TRIM54: variants seen among roughly 807,000 people sequenced by gnomAD.
The protein encoded by TRIM54 is tripartite motif-containing protein 54.
Under a neutral mutation model 42.0 loss-of-function variants are expected in TRIM54, and 40 were observed. The ratio of observed to expected loss-of-function variants is 0.95; its 90% CI spans 0.74 to 1.24. The LOEUF is 1.24. Ranked by LOEUF, TRIM54 falls within the 50% of genes most tolerant of loss-of-function variation. TRIM54 has a pLI of 0.00. For synonymous variants in TRIM54, 199 were observed against 194.9 expected, an observed-to-expected ratio of 1.02 and a Z score of -0.17; for missense variants, 485 against 480.3, an observed-to-expected ratio of 1.01 and a Z score of -0.09.
chr2:27,288,290 T>C (rs1678632252), intron 1 of TRIM54, among the ~76,000 whole-genome samples: 1 of 152,184 alleles, frequency 6.6e-6, no homozygotes. Context: ...AGAGCCTGTG[T>C]CCCAAATTAG....
intron 1 of TRIM54, among the ~76,000 whole-genome samples, chr2:27,287,884 A>G (rs1678621457): frequency 6.6e-6 from 1 of 152,210 alleles, no homozygotes; most frequent in Non-Finnish European, 1.5e-5. Flanking sequence ...CACAAAGTCG[A>G]AAAATATTTT....
At position 27,306,722 on chromosome 2, in the gene TRIM54, A is replaced by G. The variant is rs972942637; in HGVS notation, c.*2-165A>G. ...AAAGGCGCGCCCCCTAGGGCGGAAA[A>G]GTACACTTTCCTCCTCACCCGCTGT... On this transcript the variant is annotated intron_variant, in intron 8 of 8. Transcript: ENST00000380075. The surrounding 1 kb of genome is among the most constrained non-coding windows in gnomAD (Gnocchi z 6.1). Among the ~76,000 whole-genome samples the G allele has an allele frequency of 6.6e-6, 1 of 152,090 alleles. No individual in the cohort carries two copies. Among genetic ancestry groups the G allele is most frequent in the Non-Finnish European group, 1.5e-5 (1 of 68,002 alleles).
rs1208569351 is a variant in TRIM54, at chr2:27,306,690, G to A, written c.*1+148G>A. Reference sequence around the variant, plus strand: ...CACTCCTCGGTGCAACCCAACCCCGGAGCCACAAAGGCGCGCCCCCTAGGG... The same window carrying A: ...CACTCCTCGGTGCAACCCAACCCCGAAGCCACAAAGGCGCGCCCCCTAGGG... On this transcript the variant is annotated intron_variant, in intron 8 of 8. Coordinates refer to ENST00000380075, the MANE Select transcript of TRIM54 (RefSeq NM_187841.3). The surrounding 1 kb of genome is among the most constrained non-coding windows in gnomAD (Gnocchi z 6.1). 2 of 874,460 alleles carry A rather than the reference G, an allele frequency of 2.3e-6. No individual in the cohort carries two copies. Among genetic ancestry groups the A allele is most frequent in the Non-Finnish European group, 3.4e-6 (2 of 580,408 alleles). The allele number at this position is 874,460 out of a possible 1,614,324, so 54.2% of individuals were successfully genotyped here.
rs1679245797 is a variant in TRIM54, at chr2:27,307,071, C to G, written c.*186C>G. ...AGCCTGGGCTTCGAAGGCGACCCGC[C>G]CACCATCCTGCCCTTCCCAGAACCT... is the stretch of plus-strand genomic sequence containing the variant. On this transcript the variant is annotated 3_prime_UTR_variant, in exon 9 of 9. Coordinates refer to ENST00000380075, the MANE Select transcript of TRIM54 (RefSeq NM_187841.3). This position sits in a 1 kb window ranked among gnomAD's most constrained non-coding sequence, Gnocchi z 6.9. 3 of 230,262 alleles carry G rather than the reference C, an allele frequency of 1.3e-5. No individual in the cohort carries two copies. The South Asian group carries it at 2.0e-4, about 15-fold the overall frequency. 14.3% of individuals were successfully genotyped at this position (230,262 alleles called of 1,614,324 possible).
At chr2:27,282,969 C>CCTG in intron 1 of TRIM54, 70 bp downstream of exon 1, 1 of 1,492,392 alleles carries the variant, frequency 6.7e-7, no homozygotes, top group Non-Finnish European at 9.0e-7. Context: ...CAGGTCAGAG[C>CCTG]TGAGACCCCA....
rs756771152 is a variant in TRIM54 at position 27,289,860 on chromosome 2, C to CTTT, written c.168+6988_168+6990dup. On this transcript the variant is annotated intron_variant, in intron 1 of 8. Transcript: ENST00000380075. Reference sequence around the variant, plus strand: ...AGTGAGACACTATCTCTCTCTTTCTCTTTTTTTTTTTTTTTTTTTTTTTTT... The same window carrying CTTT: ...AGTGAGACACTATCTCTCTCTTTCTCTTTTTTTTTTTTTTTTTTTTTTTTTTTT... Among the ~76,000 whole-genome samples, 62 of 100,630 alleles carry CTTT rather than the reference C, an allele frequency of 6.2e-4. 1 individual carries two copies. The highest frequency in any genetic ancestry group is 7.3e-4 in the South Asian group (2 of 2,758). The allele number at this position is 100,630 out of a possible 152,430, so 66.0% of individuals were successfully genotyped here.
rs759275935 is a variant in TRIM54 at position 27,299,233 on chromosome 2, A to G, written c.342-12A>G. 3.7e-6 allele frequency: 6 copies of G among 1,612,878 alleles called. No homozygotes were observed. Among genetic ancestry groups the G allele is most frequent in the Non-Finnish European group, 5.1e-6 (6 of 1,179,856 alleles). ...GCTTAAGGTCCACCTCCCCCTGCCC[A>G]CTCCTCTCTAGGCCGCTGCACTCCA... On this transcript the variant is annotated splice_polypyrimidine_tract_variant and intron_variant, in intron 2 of 8. Transcript: ENST00000380075.
At chr2:27,290,405 T>C (rs1678687847) in intron 1 of TRIM54, among the ~76,000 whole-genome samples, 1 of 152,160 alleles carries the variant, frequency 6.6e-6, no homozygotes, top group Non-Finnish European at 1.5e-5. Context: ...CAGTGGCTCA[T>C]GCCTGTAATC....
intron 3 of TRIM54, among the ~76,000 whole-genome samples, chr2:27,302,480 A>C (rs1216220225): frequency 6.6e-6 from 1 of 150,402 alleles, no homozygotes; most frequent in Non-Finnish European, 1.5e-5. Flanking sequence ...AAAATAAAAT[A>C]AGTAAATAAA....
In TRIM54 at chr2:27,293,676, G is replaced by A. The variant is rs566462455; in HGVS notation, c.169-4891G>A. Among the ~76,000 whole-genome samples, 8 of 152,218 alleles carry A rather than the reference G, an allele frequency of 5.3e-5. No homozygotes were observed. The East Asian group carries it at 1.5e-3, about 29-fold the overall frequency. ...GGCTGTAGTTTCTTTCCTCTGTGAA[G>A]GTTTGAGGTTTGTTCCTTCATTACC... On this transcript the variant is annotated intron_variant, in intron 1 of 8. Transcript: ENST00000380075.
Position 27,305,574 on chromosome 2 carries a change from C to T in TRIM54, c.610-10C>T, listed in dbSNP as rs746061804. ...CACGCCTTCCCTCATCCTTGCTCCC[C>T]ATCTTTTAGGACAATAGCCGGAGGC... On this transcript the variant is annotated splice_polypyrimidine_tract_variant and intron_variant, in intron 4 of 8. Coordinates refer to ENST00000380075, the MANE Select transcript of TRIM54 (RefSeq NM_187841.3). The T allele has an allele frequency of 2.5e-6, 4 of 1,608,750 alleles. No individual in the cohort carries two copies. Among genetic ancestry groups the T allele is most frequent in the Non-Finnish European group, 1.7e-6 (2 of 1,176,252 alleles).
intron 3 of TRIM54, among the ~76,000 whole-genome samples, chr2:27,301,594 C>T (rs1396332767): frequency 6.6e-6 from 1 of 152,150 alleles, no homozygotes; most frequent in Non-Finnish European, 1.5e-5. Context: ...GCAGTGAGGA[C>T]CACCAGAGGT....
intron 1 of TRIM54, among the ~76,000 whole-genome samples, chr2:27,290,162 G>A (rs931403981): frequency 4.0e-5 from 6 of 151,738 alleles, no homozygotes; most frequent in East Asian, 1.9e-4. Context: ...GTGAGCCACC[G>A]TGCTATCTTT....
chr2:27,282,870 T>C lies in TRIM54; in HGVS notation c.139T>C (p.Cys47Arg), dbSNP rs1397352533. 1 of 1,613,602 alleles carries C rather than the reference T, an allele frequency of 6.2e-7. No homozygotes were observed. The highest frequency in any genetic ancestry group is 1.7e-5 in the Admixed American group (1 of 59,956). The change falls in exon 1 of 9, where the codon TGC becomes CGC. Residue 47 changes from cysteine to arginine, a missense_variant. Cys to Arg is a radical substitution (Grantham distance 180). Coordinates refer to ENST00000380075, the MANE Select transcript of TRIM54 (RefSeq NM_187841.3). ...VVILPCQHNL[C>R]RKCANDVFQA... ...GATCCTGCCCTGCCAACACAACCTG[T>C]GCCGCAAATGTGCCAACGACGTCTT...
intron 4 of TRIM54, 130 bp from the exon 5 acceptor site, chr2:27,305,454 C>T: frequency 1.4e-6 from 1 of 718,508 alleles, no homozygotes; most frequent in South Asian, 1.9e-5. Flanking sequence ...TGGGTTCTGG[C>T]TCAGCCACTA....
chr2:27,306,044 C>T lies in TRIM54; in HGVS notation c.844-36C>T. 1 of 1,613,026 alleles carries T rather than the reference C, an allele frequency of 6.2e-7. No individual in the cohort carries two copies. Among genetic ancestry groups the T allele is most frequent in the Non-Finnish European group, 8.5e-7 (1 of 1,179,800 alleles). On this transcript the variant is annotated intron_variant, in intron 5 of 8. Transcript: ENST00000380075. This position sits in a 1 kb window ranked among gnomAD's most constrained non-coding sequence, Gnocchi z 6.1. ...AAATGGGACTTTGCCCAGGTTGGCC[C>T]AGTGCTTACTCTCACCCTCCTTTTC...
chr2:27,289,961 T>C (rs1224795354), intron 1 of TRIM54, among the ~76,000 whole-genome samples: 1 of 131,422 alleles, frequency 7.6e-6, no homozygotes, highest in Non-Finnish European at 1.6e-5. Flanking sequence ...AACCTCCACC[T>C]CCCAGGTTCA....
At chr2:27,303,548 TAAA>T (rs776985705) in intron 3 of TRIM54, among the ~76,000 whole-genome samples, 1 of 138,886 alleles carries the variant, frequency 7.2e-6, no homozygotes, top group Non-Finnish European at 1.6e-5. Context: ...AGACTCCGTC[TAAA>T]AAAAAAAAAA....
intron 1 of TRIM54, among the ~76,000 whole-genome samples, chr2:27,291,138 G>A (rs1456262726): frequency 6.6e-6 from 1 of 152,172 alleles, no homozygotes; most frequent in African/African-American, 2.4e-5. Flanking sequence ...CAGATCACTT[G>A]AGTTCAGGAG....
Sources: gnomAD v4.1 joint callset for allele counts (sites outside exome capture counted in the v4.1 genomes callset) on GRCh38, gnomAD v4.1.1 for gene constraint, Gnocchi (gnomAD v3.1) non-coding constraint, MANE v1.5 for transcripts, NCBI Gene and HGNC (gene_info 2026-07-23, HGNC 2026-07-21) for gene names.